The following PAQR5 variants were observed in gnomAD, a reference collection of about 807,000 sequenced individuals.
PAQR5 encodes the protein progestin and adipoQ receptor family member 5.
PAQR5 carries 20 observed loss-of-function variants against 34.5 expected under a neutral mutation model. The observed-to-expected ratio is 0.58, with a 90% CI of 0.41 to 0.84. PAQR5 has a LOEUF of 0.84. PAQR5 is among the 40% of genes least tolerant of loss of function. The pLI, the probability that PAQR5 is intolerant of heterozygous loss-of-function variation, is 0.00. For synonymous variants in PAQR5, 131 were observed against 155.6 expected (o/e 0.84, Z 1.18); for missense variants, 378 against 412.7 (o/e 0.92, Z 0.73).
In PAQR5 at chr15:69,384,836, C is replaced by T; in HGVS notation, c.339C>T (p.His113=). ...TFSSMSKNAR[H]ICYFLDYGAV... ...GCTCTATGTCCAAGAATGCCCGGCA[C>T]ATTTGCTACTTCCTGGACTATGGTG... Residue 113 remains histidine (H), a synonymous_variant, in exon 5 of 9, where the codon CAC becomes CAT. Coordinates refer to ENST00000395407, the MANE Select transcript of PAQR5 (RefSeq NM_017705.4). 2 of 1,614,164 alleles carry T rather than the reference C, an allele frequency of 1.2e-6. No individual in the cohort carries two copies. Among genetic ancestry groups the T allele is most frequent in the African/African-American group, 1.3e-5 (1 of 75,054 alleles).
intron 2 of PAQR5, among the ~76,000 whole-genome samples, chr15:69,351,616 C>T (rs150865264): frequency 3.2e-4 from 49 of 152,314 alleles, no homozygotes; most frequent in African/African-American, 1.1e-3. Context: ...GTTTGCAGGG[C>T]ACTTGATCAC....
intron 6 of PAQR5, among the ~76,000 whole-genome samples, chr15:69,394,365 G>T (rs2056356053): frequency 6.6e-6 from 1 of 151,964 alleles, no homozygotes; most frequent in African/African-American, 2.4e-5. Flanking sequence ...GCCAGTTAGG[G>T]GCATGGGGAA....
chr15:69,335,554 T>G (rs1433797862), intron 1 of PAQR5, among the ~76,000 whole-genome samples: 7 of 134,954 alleles, frequency 5.2e-5, no homozygotes, highest in Admixed American at 5.2e-4. Context: ...TTTTTTTTTT[T>G]TTTTTTTTTT....
chr15:69,368,054 G>T lies in PAQR5; in HGVS notation c.51+7923G>T, dbSNP rs559446070. Among the ~76,000 whole-genome samples, 171 of 52,682 alleles carry T rather than the reference G, an allele frequency of 3.2e-3. 1 individual carries two copies. Among genetic ancestry groups the T allele is most frequent in the African/African-American group, 9.0e-3 (162 of 18,066 alleles). 34.6% of individuals were successfully genotyped at this position (52,682 alleles called of 152,430 possible). On this transcript the variant is annotated intron_variant, in intron 3 of 8. Coordinates refer to ENST00000395407, the MANE Select transcript of PAQR5 (RefSeq NM_017705.4). ...AGTTTGTAGTGATATCTGCAAGAAG[G>T]CTTTCTGCTTTTTTTTTTAGACCAA...
chr15:69,299,109 A>G (rs1220433985), intron 1 of PAQR5, 53 bp downstream of exon 1: 4 of 151,928 alleles, frequency 2.6e-5, no homozygotes, highest in Non-Finnish European at 5.9e-5. Context: ...CTCCCGGTCC[A>G]CGCGCACCCG....
At chr15:69,309,783 T>C (rs1295713008) in intron 1 of PAQR5, among the ~76,000 whole-genome samples, 1 of 152,048 alleles carries the variant, frequency 6.6e-6, no homozygotes, top group Non-Finnish European at 1.5e-5. Context: ...GGTGCGGTGG[T>C]TCATGCCTGT....
intron 1 of PAQR5, among the ~76,000 whole-genome samples, chr15:69,309,686 A>T (rs974939797): frequency 6.6e-6 from 1 of 151,992 alleles, no homozygotes; most frequent in Non-Finnish European, 1.5e-5. Flanking sequence ...ACATGCATGC[A>T]CTCTGCCCCT....
chr15:69,365,050 TTATTTTATTTTATTTTATTTTATTTTA>T, intron 3 of PAQR5, among the ~76,000 whole-genome samples: 1 of 430 alleles, frequency 2.3e-3, no homozygotes, highest in Middle Eastern at 0.5. Flanking sequence ...CTTATGAATT[TTATTTTATTTTATTTTATTTTATTTTA>T]TTTTATTTTA....
chr15:69,389,882 A>G (rs2056210397), intron 6 of PAQR5, 102 bp downstream of exon 6: 5 of 1,394,984 alleles, frequency 3.6e-6, no homozygotes, highest in Admixed American at 4.0e-5. Flanking sequence ...TCAATGGAAA[A>G]GGTGCTTGGG....
rs770284774 is a variant in PAQR5 at position 69,389,681 on chromosome 15, C to T, written c.413C>T (p.Thr138Met). Residue 138 changes from threonine to methionine, a missense_variant, in exon 6 of 9, where the codon ACG becomes ATG. Coordinates refer to ENST00000395407, the MANE Select transcript of PAQR5 (RefSeq NM_017705.4). ...TCAGCCATTGCCTACTCTGCATACACGTTCCCGGATGCGCTCATGTGCACC... is the reference window on the plus strand; with the variant it reads ...TCAGCCATTGCCTACTCTGCATACATGTTCCCGGATGCGCTCATGTGCACC... ...LGSAIAYSAY[T>M]FPDALMCTTF... 15 of 1,614,068 alleles carry T rather than the reference C, an allele frequency of 9.3e-6. No homozygotes were observed. The highest frequency in any genetic ancestry group is 1.7e-5 in the Admixed American group (1 of 60,012).
At chr15:69,400,552 C>T (rs1028876936) in intron 8 of PAQR5, among the ~76,000 whole-genome samples, 3 of 152,136 alleles carry the variant, frequency 2.0e-5, no homozygotes, top group Non-Finnish European at 4.4e-5. Context: ...ATTAGCTGGG[C>T]ATGGTGGCGT....
Position 69,353,106 on chromosome 15 carries a change from T to C in PAQR5, c.-115-6860T>C, listed in dbSNP as rs532869959. 2.6e-5 allele frequency among the ~76,000 whole-genome samples: 4 copies of C among 152,286 alleles called. No individual in the cohort carries two copies. In the East Asian group the frequency reaches 7.7e-4, roughly 29 times the overall value. ...GAGGTTATGCACTGGCTCAGCAACATTGACTTCCACTCACTGAGGCCAACC... is the reference window on the plus strand; with the variant it reads ...GAGGTTATGCACTGGCTCAGCAACACTGACTTCCACTCACTGAGGCCAACC... On this transcript the variant is annotated intron_variant, in intron 2 of 8. Transcript: ENST00000395407.
At chr15:69,329,873 A>G (rs1035297743) in intron 1 of PAQR5, among the ~76,000 whole-genome samples, 2 of 152,222 alleles carry the variant, frequency 1.3e-5, no homozygotes, top group African/African-American at 4.8e-5. Context: ...TAGTAGCCAT[A>G]ATAGTAGCCA....
intron 1 of PAQR5, among the ~76,000 whole-genome samples, chr15:69,329,217 A>G (rs928101193): frequency 1.3e-5 from 2 of 152,066 alleles, no homozygotes; most frequent in Non-Finnish European, 2.9e-5. Flanking sequence ...ACACACACAT[A>G]TACACTCACT....
intron 3 of PAQR5, among the ~76,000 whole-genome samples, chr15:69,370,940 T>C (rs1237237278): frequency 2.0e-5 from 3 of 152,242 alleles, no homozygotes; most frequent in African/African-American, 7.2e-5. Context: ...AAATGTTACA[T>C]TGATGAATTA....
chr15:69,371,113 A>G (rs1451597521), intron 3 of PAQR5, among the ~76,000 whole-genome samples: 1 of 148,052 alleles, frequency 6.8e-6, no homozygotes, highest in East Asian at 1.9e-4. Context: ...ATGATGTTAA[A>G]TTAAACCACT....
At chr15:69,402,228 T>C (rs2056651809) in intron 8 of PAQR5, among the ~76,000 whole-genome samples, 1 of 152,224 alleles carries the variant, frequency 6.6e-6, no homozygotes, top group Non-Finnish European at 1.5e-5. Flanking sequence ...GAGGCCTCTC[T>C]CTTTGGCTTG....
intron 8 of PAQR5, among the ~76,000 whole-genome samples, chr15:69,403,137 T>G (rs1567046629): frequency 6.6e-6 from 1 of 152,274 alleles, no homozygotes; most frequent in Non-Finnish European, 1.5e-5. Flanking sequence ...CCTAATTTTT[T>G]CATCTGAAAA....
At chr15:69,343,161 T>A (rs1384221963) in intron 2 of PAQR5, among the ~76,000 whole-genome samples, 1 of 152,214 alleles carries the variant, frequency 6.6e-6, no homozygotes, top group Non-Finnish European at 1.5e-5. Flanking sequence ...ATGGAGAAAT[T>A]TCCTACCAAA....
Sources: gnomAD v4.1 joint callset for allele counts (sites outside exome capture counted in the v4.1 genomes callset) on GRCh38, gnomAD v4.1.1 for gene constraint, MANE v1.5 for transcripts, NCBI Gene and HGNC (gene_info 2026-07-23, HGNC 2026-07-21) for gene names.